The following ANO5 variants were observed in gnomAD, a reference collection of about 807,000 sequenced individuals.
ANO5 encodes anoctamin 5.
Under a neutral mutation model 121.0 loss-of-function variants are expected in ANO5, and 109 were observed. That is an observed-to-expected ratio of 0.90 (90% CI 0.77 to 1.06). ANO5 has a LOEUF of 1.06. Among genes scored for constraint, ANO5 ranks in the 50% least tolerant of loss-of-function variants. The probability of loss-of-function intolerance (pLI) is 0.00; values close to 1 mark genes in which losing one functional copy is unlikely to be tolerated. For missense variants in ANO5, 1,064 were observed against 1,078.5 expected, an observed-to-expected ratio of 0.99 and a Z score of 0.19; for synonymous variants, 406 against 359.9, an observed-to-expected ratio of 1.13 and a Z score of -1.45.
intron 7 of ANO5, among the ~76,000 whole-genome samples, chr11:22,233,930 C>T (rs1048816524): frequency 6.6e-5 from 10 of 152,114 alleles, no homozygotes; most frequent in Admixed American, 5.2e-4. Context: ...TGAACCACTT[C>T]CACCGCTTGG....
intron 7 of ANO5, among the ~76,000 whole-genome samples, chr11:22,233,897 GATTTGTCTGC>G (rs1037678113): frequency 6.6e-6 from 1 of 152,064 alleles, no homozygotes; most frequent in Non-Finnish European, 1.5e-5. Flanking sequence ...CTTTGCTCTT[GATTTGTCTGC>G]TTTTGCTTTC....
intron 1 of ANO5, among the ~76,000 whole-genome samples, chr11:22,193,836 G>C (rs1201918133): frequency 6.6e-6 from 1 of 152,174 alleles, no homozygotes; most frequent in Non-Finnish European, 1.5e-5. Flanking sequence ...GGGAACCGCC[G>C]AGTAATTCAG....
In ANO5 at chr11:22,269,045, G is replaced by A. The variant is rs375118780; in HGVS notation, c.1899-1267G>A. On this transcript the variant is annotated intron_variant, in intron 17 of 21. Coordinates refer to ENST00000324559, the MANE Select transcript of ANO5 (RefSeq NM_213599.3). The stretch of plus-strand genomic sequence containing the variant: ...AGACATAGAGAAAGAAAAAAGGAGA[G>A]AGGGAGAGAGAGAGAAAAGGAAAGA... 9.9e-5 allele frequency among the ~76,000 whole-genome samples: 15 copies of A among 150,806 alleles called. No homozygotes were observed. In the East Asian group the frequency reaches 1.4e-3, roughly 14 times the overall value.
At chr11:22,233,466 T>C (rs115364204) in intron 7 of ANO5, among the ~76,000 whole-genome samples, 1,642 of 152,126 alleles carry the variant, frequency 0.011, 42 homozygotes, top group African/African-American at 0.038. Context: ...TTTTTGTAAG[T>C]GATCATAGCA....
At chr11:22,264,544 T>C (rs1854301289) in intron 17 of ANO5, among the ~76,000 whole-genome samples, 1 of 148,528 alleles carries the variant, frequency 6.7e-6, no homozygotes, top group African/African-American at 2.5e-5. Flanking sequence ...ATAACGAAAA[T>C]TTCAAAATGT....
At chr11:22,277,210 G>A (rs1186384311) in intron 21 of ANO5, among the ~76,000 whole-genome samples, 2 of 151,156 alleles carry the variant, frequency 1.3e-5, no homozygotes, top group African/African-American at 2.4e-5. Flanking sequence ...GAAAGAGAGA[G>A]GGGGAAAAAA....
chr11:22,278,199 T>C (rs1564955620), intron 21 of ANO5, among the ~76,000 whole-genome samples: 1 of 151,692 alleles, frequency 6.6e-6, no homozygotes, highest in Non-Finnish European at 1.5e-5. Flanking sequence ...ATTCTGTCAT[T>C]AGCCCCATTT....
At chr11:22,200,234 T>C (rs1338128730) in intron 1 of ANO5, among the ~76,000 whole-genome samples, 1 of 152,170 alleles carries the variant, frequency 6.6e-6, no homozygotes, top group African/African-American at 2.4e-5. Flanking sequence ...CAATAAATAC[T>C]GTCAGGTGTT....
chr11:22,206,679 T>A (rs1852132491), intron 2 of ANO5, among the ~76,000 whole-genome samples: 1 of 152,026 alleles, frequency 6.6e-6, no homozygotes. Flanking sequence ...AATCATGTGA[T>A]TTTTATCAGA....
At chr11:22,258,071 G>T (rs965961427) in intron 14 of ANO5, among the ~76,000 whole-genome samples, 1 of 152,030 alleles carries the variant, frequency 6.6e-6, no homozygotes, top group African/African-American at 2.4e-5. Context: ...CAGGCTCTTT[G>T]GTTAGTTTTA....
intron 12 of ANO5, among the ~76,000 whole-genome samples, chr11:22,254,522 G>C (rs751078881): frequency 6.6e-6 from 1 of 151,794 alleles, no homozygotes; most frequent in South Asian, 2.1e-4. Context: ...CAATTTAACC[G>C]TAGAGTCGAA....
intron 17 of ANO5, 85 bp downstream of exon 17, chr11:22,263,128 A>C: frequency 8.8e-7 from 1 of 1,142,788 alleles, no homozygotes; most frequent in Non-Finnish European, 1.3e-6. Flanking sequence ...TTTGATTACC[A>C]TGGTGCCTTT....
intron 13 of ANO5, among the ~76,000 whole-genome samples, chr11:22,255,763 T>C (rs538585900): frequency 1.3e-5 from 2 of 152,138 alleles, no homozygotes; most frequent in East Asian, 3.9e-4. Context: ...ACTACATGGA[T>C]GAACCCATCA....
At chr11:22,219,423 C>G (rs983130878) in intron 4 of ANO5, among the ~76,000 whole-genome samples, 6 of 151,714 alleles carry the variant, frequency 4.0e-5, no homozygotes, top group Non-Finnish European at 7.4e-5. Context: ...CTTTGTGTAC[C>G]CAGATTTAGC....
intron 7 of ANO5, among the ~76,000 whole-genome samples, chr11:22,235,075 C>T (rs1013347650): frequency 6.6e-6 from 1 of 152,072 alleles, no homozygotes; most frequent in African/African-American, 2.4e-5. Context: ...TCTCCTGAAA[C>T]TTTCTTTCTA....
rs1445340252 is a variant in ANO5, at chr11:22,193,551, G to T, written c.40+19G>T. On this transcript the variant is annotated intron_variant, in intron 1 of 21. Coordinates refer to ENST00000324559, the MANE Select transcript of ANO5 (RefSeq NM_213599.3). ...GAGGAAGGTAGGACCGCGCCAAGAG[G>T]CGTCAAGGGAGAGCCAGGCTGGCTG... 6.2e-7 allele frequency: 1 copy of T among 1,611,038 alleles called. No individual in the cohort carries two copies. Among genetic ancestry groups the T allele is most frequent in the Non-Finnish European group, 8.5e-7 (1 of 1,179,208 alleles).
intron 7 of ANO5, 105 bp from the exon 8 acceptor site, chr11:22,236,058 C>A: frequency 1.3e-6 from 1 of 758,094 alleles, no homozygotes. Context: ...ATAATTAGAG[C>A]CTGTATCTAC....
At chr11:22,192,669 G>A (rs1037241830), upstream of ANO5, among the ~76,000 whole-genome samples, 3 of 152,254 alleles carry the variant, frequency 2.0e-5, no homozygotes, top group Non-Finnish European at 4.4e-5. Flanking sequence ...CCGGCCAACC[G>A]GCTGAGGGAG....
Position 22,269,075 on chromosome 11 carries a change from G to A in ANO5, c.1899-1237G>A, listed in dbSNP as rs569443121. ...AGAGAGAGAGAAAAGGAAAGAAGGA[G>A]GGAAGGAAGGACGGAAGGAAGCAAG... On this transcript the variant is annotated intron_variant, in intron 17 of 21. Coordinates refer to ENST00000324559, the MANE Select transcript of ANO5 (RefSeq NM_213599.3). Among the ~76,000 whole-genome samples the A allele has an allele frequency of 5.4e-5, 8 of 149,386 alleles. No homozygotes were observed. In the East Asian group the frequency reaches 1.6e-3, roughly 29 times the overall value.
Sources: allele counts gnomAD v4.1 joint callset (sites outside exome capture counted in the v4.1 genomes callset), GRCh38; gene constraint gnomAD v4.1.1; transcripts MANE v1.5; gene names NCBI Gene and HGNC (gene_info 2026-07-23, HGNC 2026-07-21).